Variants in ABCC8 observed in about 807,000 individuals in gnomAD.
ABCC8 encodes ATP-binding cassette sub-family C member 8.
In ABCC8, 137 loss-of-function variants were observed where a neutral mutation model predicts 188.0. The ratio of observed to expected loss-of-function variants is 0.73; its 90% CI spans 0.63 to 0.84. The LOEUF is 0.84. Among genes scored for constraint, ABCC8 ranks in the 40% least tolerant of loss-of-function variants. ABCC8 has a pLI of 0.00. For missense variants in ABCC8, 1,750 were observed against 2,072.7 expected, an observed-to-expected ratio of 0.84 and a Z score of 3.02; for synonymous variants, 797 against 846.5, an observed-to-expected ratio of 0.94 and a Z score of 1.01.
intron 2 of ABCC8, among the ~76,000 whole-genome samples, chr11:17,474,605 A>G (rs1225041077): frequency 6.6e-6 from 1 of 151,246 alleles, no homozygotes. Flanking sequence ...GACATTTTTC[A>G]CTGGAGTTGT....
intron 10 of ABCC8, chr11:17,435,713 C>T: frequency 2.2e-6 from 3 of 1,376,224 alleles, no homozygotes; most frequent in Non-Finnish European, 2.1e-6. Flanking sequence ...ACAGTAAGAA[C>T]CGGGACAACC....
chr11:17,442,599 G>T, intron 10 of ABCC8, 121 bp downstream of exon 10: 1 of 984,710 alleles, frequency 1.0e-6, no homozygotes, highest in Admixed American at 1.7e-5. Context: ...CTCCCCTACT[G>T]AGTCGGATAA....
intron 12 of ABCC8, chr11:17,429,911 TC>T: frequency 6.6e-6 from 1 of 152,424 alleles, no homozygotes; most frequent in East Asian, 1.9e-4. Flanking sequence ...TGCTAGAGTC[TC>T]CCCCTGCAAG....
chr11:17,428,036 A>G, intron 14 of ABCC8, 94 bp from the exon 15 acceptor site: 5 of 1,585,844 alleles, frequency 3.2e-6, no homozygotes, highest in Non-Finnish European at 4.3e-6. Context: ...ATGAAAGCCA[A>G]AAGACACTGA....
chr11:17,392,539 C>T (rs1271067929), downstream of ABCC8: 3 of 270,538 alleles, frequency 1.1e-5, no homozygotes, highest in African/African-American at 2.2e-5. Context: ...TTTTAAGACA[C>T]AGAGAGAAAG....
intron 26 of ABCC8, 83 bp downstream of exon 26, chr11:17,406,539 T>C: frequency 7.1e-7 from 1 of 1,405,588 alleles, no homozygotes; most frequent in Non-Finnish European, 9.7e-7. Flanking sequence ...AGGTTGTATA[T>C]CCCCATTTTA....
intron 6 of ABCC8, among the ~76,000 whole-genome samples, chr11:17,458,561 C>T (rs1055389673): frequency 2.6e-4 from 40 of 152,164 alleles, no homozygotes; most frequent in African/African-American, 9.2e-4. Flanking sequence ...GCTTCAGGAT[C>T]GCCAATGGGG....
chr11:17,427,086 C>T lies in ABCC8; in HGVS notation c.2185G>A (p.Glu729Lys). The T allele has an allele frequency of 6.2e-7, 1 of 1,613,866 alleles. No individual in the cohort carries two copies. Among genetic ancestry groups the T allele is most frequent in the Non-Finnish European group, 8.5e-7 (1 of 1,179,920 alleles). ...ACAGCCCCTGAGACCTTCTGCATCT[C>T]CCCCAGTGCGGCTAGAAGGAGCGAG... ...KSSLLLAALG[E>K]MQKVSGAVFW... The change falls in exon 16 of 39, where the codon GAG becomes AAG. Residue 729 changes from glutamate to lysine, a missense_variant. Physicochemically the swap from Glu to Lys is moderately conservative, Grantham distance 56 (BLOSUM62 1). Coordinates refer to ENST00000389817, the MANE Select transcript of ABCC8 (RefSeq NM_000352.6). This position sits in a 1 kb window ranked among gnomAD's most constrained non-coding sequence, Gnocchi z 5.0.
intron 1 of ABCC8, among the ~76,000 whole-genome samples, chr11:17,476,221 C>A (rs954852192): frequency 6.6e-6 from 1 of 152,238 alleles, no homozygotes; most frequent in African/African-American, 2.4e-5. Context: ...CTAGGCCCAG[C>A]TGCGGCTGAC....
rs1226976325 is a variant in ABCC8, at chr11:17,428,687, G to A, written c.1818-17C>T. ...TTTTGCACGCTGCTCGGGAAGCACA[G>A]AGACACCCCTCACCCCTGCCAGGGG... On this transcript the variant is annotated splice_polypyrimidine_tract_variant and intron_variant, in intron 12 of 38. Coordinates refer to ENST00000389817, the MANE Select transcript of ABCC8 (RefSeq NM_000352.6). 3 of 1,610,700 alleles carry A rather than the reference G, an allele frequency of 1.9e-6. No individual in the cohort carries two copies. The highest frequency in any genetic ancestry group is 1.1e-5 in the South Asian group (1 of 91,082).
chr11:17,473,689 C>T (rs1848602943), intron 2 of ABCC8, among the ~76,000 whole-genome samples: 1 of 152,206 alleles, frequency 6.6e-6, no homozygotes, highest in African/African-American at 2.4e-5. Context: ...TGACTGCTGA[C>T]ACACCATTTC....
chr11:17,398,284 T>C (rs1173699718), intron 30 of ABCC8, 55 bp downstream of exon 30: 2 of 1,600,802 alleles, frequency 1.2e-6, no homozygotes, highest in Admixed American at 3.4e-5. Flanking sequence ...CTGTGTGCTC[T>C]TGCTCTGGCC....
chr11:17,440,257 G>A (rs1956263057), intron 10 of ABCC8, among the ~76,000 whole-genome samples: 1 of 152,138 alleles, frequency 6.6e-6, no homozygotes, highest in Non-Finnish European at 1.5e-5. Context: ...CCGGCTATCG[G>A]GAGAAGCCCT....
rs764442461 is a variant in ABCC8, at chr11:17,395,519, G to A, written c.4307+91C>T. The A allele has an allele frequency of 2.7e-6, 4 of 1,508,822 alleles. No homozygotes were observed. The African/African-American group carries it at 4.1e-5, about 16-fold the overall frequency. The allele number at this position is 1,508,822 out of a possible 1,614,324, so 93.5% of individuals were successfully genotyped here. A position where few individuals can be genotyped will look rare whatever the true frequency, so the allele number is the denominator to read the frequency against. On this transcript the variant is annotated intron_variant, in intron 35 of 38. Transcript: ENST00000389817. ...AGCAGGAAACACCTCTGGGATCCTG[G>A]TCTCCCCCAACCCCCTCCTCTTTGT...
At position 17,432,199 on chromosome 11, in the gene ABCC8, CT is replaced by C; in HGVS notation, c.1671+4del. ...CCCCAAGAGATGGAGAAAGGATCCA[CT>C]TACTATGAGGACAGCTGCAATGGGG... On this transcript the variant is annotated splice_donor_region_variant and intron_variant, in intron 11 of 38. Coordinates refer to ENST00000389817, the MANE Select transcript of ABCC8 (RefSeq NM_000352.6). 1 of 1,552,746 alleles carries C rather than the reference CT, an allele frequency of 6.4e-7. No individual in the cohort carries two copies. Among genetic ancestry groups the C allele is most frequent in the Non-Finnish European group, 8.7e-7 (1 of 1,147,420 alleles).
intron 28 of ABCC8, 34 bp from the exon 29 acceptor site, chr11:17,402,787 G>A (rs1954313265): frequency 6.2e-7 from 1 of 1,613,416 alleles, no homozygotes. Flanking sequence ...CAGTTAAGAG[G>A]GCAGGCTCAG....
At chr11:17,426,948 C>T in intron 16 of ABCC8, 101 bp downstream of exon 16, 1 of 1,370,614 alleles carries the variant, frequency 7.3e-7, no homozygotes, top group Non-Finnish European at 1.0e-6. Context: ...CCTCACTGAA[C>T]ACAGAGTGGG....
At chr11:17,450,685 C>CT (rs71047553) in intron 7 of ABCC8, among the ~76,000 whole-genome samples, 5,352 of 76,560 alleles carry the variant, frequency 0.07, 570 homozygotes, top group African/African-American at 0.15. Flanking sequence ...GCATGAGCCA[C>CT]TTTTTTTTTT....
Position 17,408,389 on chromosome 11 carries a change from C to T in ABCC8, c.2820+3G>A. The T allele has an allele frequency of 1.2e-6, 2 of 1,613,164 alleles. No homozygotes were observed. Among genetic ancestry groups the T allele is most frequent in the Non-Finnish European group, 1.7e-6 (2 of 1,179,940 alleles). On this transcript the variant is annotated splice_donor_region_variant and intron_variant, in intron 23 of 38. Coordinates refer to ENST00000389817, the MANE Select transcript of ABCC8 (RefSeq NM_000352.6). ...CTGCTTGGCCATCCCTGGATATACC[C>T]ACCTTCTCCAGCTCTTGGTCCTGTC...
Sources: allele counts gnomAD v4.1 joint callset (sites outside exome capture counted in the v4.1 genomes callset), GRCh38; gene constraint gnomAD v4.1.1; non-coding constraint Gnocchi (gnomAD v3.1); transcripts MANE v1.5; gene names NCBI Gene and HGNC (gene_info 2026-07-23, HGNC 2026-07-21).